The following DNAH10 variants were observed in gnomAD, a reference collection of about 807,000 sequenced individuals.
DNAH10 encodes axonemal beta dynein heavy chain 10.
Under a neutral mutation model 506.6 loss-of-function variants are expected in DNAH10, and 348 were observed. That is an observed-to-expected ratio of 0.69 (90% CI 0.63 to 0.75). DNAH10 has a LOEUF of 0.75. Among genes scored for constraint, DNAH10 ranks in the 30% least tolerant of loss-of-function variants. DNAH10 has a pLI of 0.00. For missense variants in DNAH10, 5,179 were observed against 5,787.1 expected, an observed-to-expected ratio of 0.89 and a Z score of 3.41; for synonymous variants, 2,059 against 2,198.6, an observed-to-expected ratio of 0.94 and a Z score of 1.78.
intron 44 of DNAH10, among the ~76,000 whole-genome samples, chr12:123,870,824 G>C (rs1952002543): frequency 6.6e-6 from 1 of 152,208 alleles, no homozygotes; most frequent in African/African-American, 2.4e-5. Flanking sequence ...GTGGGGACTA[G>C]ACGGCAACGA....
chr12:123,873,932 T>G (rs1293507607), intron 46 of DNAH10, among the ~76,000 whole-genome samples: 3 of 152,146 alleles, frequency 2.0e-5, no homozygotes, highest in African/African-American at 4.8e-5. Context: ...CCTTAGTTTC[T>G]TAGAGGAGGG....
At chr12:123,793,550 G>A (rs1958165292) in intron 11 of DNAH10, among the ~76,000 whole-genome samples, 1 of 152,084 alleles carries the variant, frequency 6.6e-6, no homozygotes, top group South Asian at 2.1e-4. Context: ...GTGTTAGCCA[G>A]GATGGTCTCG....
intron 15 of DNAH10, among the ~76,000 whole-genome samples, chr12:123,800,718 A>G (rs1174442099): frequency 6.6e-6 from 1 of 151,976 alleles, no homozygotes; most frequent in Admixed American, 6.6e-5. Context: ...ATTGAAGCTA[A>G]GAAAAGTTTA....
chr12:123,849,646 C>T (rs1055279462), intron 34 of DNAH10, among the ~76,000 whole-genome samples: 4 of 152,192 alleles, frequency 2.6e-5, no homozygotes, highest in African/African-American at 4.8e-5. Flanking sequence ...ACAGTCATAC[C>T]ATGCCTTGTG....
In DNAH10 at chr12:123,853,891, C is replaced by CACGT. The variant is rs1951278587; in HGVS notation, c.6438+543_6438+546dup. On this transcript the variant is annotated intron_variant, in intron 36 of 78. Transcript: ENST00000673944. This position sits in a 1 kb window ranked among gnomAD's most constrained non-coding sequence, Gnocchi z 4.7. ...ACACACGGATACATGCACGCGCACA[C>CACGT]ACGTACGCACGCACATGTACACATA... is the stretch of plus-strand genomic sequence containing the variant. Among the ~76,000 whole-genome samples the CACGT allele has an allele frequency of 6.7e-6, 1 of 148,948 alleles. No homozygotes were observed. Among genetic ancestry groups the CACGT allele is most frequent in the Non-Finnish European group, 1.5e-5 (1 of 67,170 alleles).
rs1279685687 is a variant in DNAH10, at chr12:123,916,719, T to G, written c.10985T>G (p.Met3662Arg). ...RYSPSVFGKA[M>R]VINYTVTLKG... ...TCCCCATCCGTGTTTGGGAAAGCTA[T>G]GGTGATCAATTACACTGGTAAGAAT... The change falls in exon 63 of 79, where the codon ATG (methionine) becomes AGG (arginine). Residue 3662 changes from methionine (M) to arginine (R), a missense_variant. Coordinates refer to ENST00000673944, the MANE Select transcript of DNAH10 (RefSeq NM_001372106.1). The surrounding 1 kb of genome is among the most constrained non-coding windows in gnomAD (Gnocchi z 4.6). The G allele has an allele frequency of 1.9e-6, 3 of 1,611,646 alleles. No individual in the cohort carries two copies. Among genetic ancestry groups the G allele is most frequent in the Non-Finnish European group, 2.5e-6 (3 of 1,178,554 alleles).
chr12:123,928,500 C>T lies in DNAH10; in HGVS notation c.12219C>T (p.Ile4073=). The T allele has an allele frequency of 6.2e-7, 1 of 1,611,264 alleles. No individual in the cohort carries two copies. The highest frequency in any genetic ancestry group is 8.5e-7 in the Non-Finnish European group (1 of 1,178,820). The stretch of plus-strand genomic sequence containing the variant: ...ATCTGGAGAAGTCCCTGGAGAGGAT[C>T]ACCAAGCCCCACCCAGACTTCCGCC... ...LKDLEKSLER[I]TKPHPDFRLW... Residue 4073 remains isoleucine, a synonymous_variant, in exon 70 of 79, where the codon ATC becomes ATT. Transcript: ENST00000673944. The surrounding 1 kb of genome is among the most constrained non-coding windows in gnomAD (Gnocchi z 4.9).
At chr12:123,893,132 G>A in intron 52 of DNAH10, 101 bp from the exon 53 acceptor site, 1 of 1,269,100 alleles carries the variant, frequency 7.9e-7, no homozygotes, top group Non-Finnish European at 1.1e-6. Context: ...TCTGGACTCA[G>A]CACCTGCTGA....
intron 43 of DNAH10, 73 bp from the exon 44 acceptor site, chr12:123,870,293 C>A: frequency 6.5e-7 from 1 of 1,546,640 alleles, no homozygotes. Flanking sequence ...TAGTTCATTT[C>A]AAGCATGTGC....
chr12:123,792,136 A>C (rs1389265702), intron 11 of DNAH10, among the ~76,000 whole-genome samples: 1 of 152,228 alleles, frequency 6.6e-6, no homozygotes, highest in African/African-American at 2.4e-5. Flanking sequence ...AGTTAAATTA[A>C]TGACTAGTGT....
chr12:123,808,752 C>T, intron 18 of DNAH10, 45 bp from the exon 19 acceptor site: 3 of 1,602,788 alleles, frequency 1.9e-6, no homozygotes, highest in Non-Finnish European at 2.6e-6. Context: ...GTGTATTTCA[C>T]TCTAGTGAGA....
At chr12:123,824,546 G>A (rs576479468) in intron 24 of DNAH10, among the ~76,000 whole-genome samples, 1 of 152,250 alleles carries the variant, frequency 6.6e-6, no homozygotes, top group East Asian at 1.9e-4. Context: ...TGTGAATACA[G>A]ACCAGGAGGC....
At position 123,935,331 on chromosome 12, in the gene DNAH10, G is replaced by A; in HGVS notation, c.13624-4G>A. 1.3e-6 allele frequency: 2 copies of A among 1,599,158 alleles called. No individual in the cohort carries two copies. The highest frequency in any genetic ancestry group is 4.5e-5 in the East Asian group (2 of 44,422). Reference sequence around the variant, plus strand: ...GGGGCATCTCACCTGCCTTTCCCTTGCAGAATACTTTCCGGACCCCCGTCT... The same window carrying A: ...GGGGCATCTCACCTGCCTTTCCCTTACAGAATACTTTCCGGACCCCCGTCT... On this transcript the variant is annotated splice_region_variant and splice_polypyrimidine_tract_variant and intron_variant, in intron 78 of 78. Coordinates refer to ENST00000673944, the MANE Select transcript of DNAH10 (RefSeq NM_001372106.1).
chr12:123,916,347 C>A lies in DNAH10; in HGVS notation c.10723-110C>A. 7.1e-7 allele frequency: 1 copy of A among 1,414,666 alleles called. No homozygotes were observed. The highest frequency in any genetic ancestry group is 9.6e-7 in the Non-Finnish European group (1 of 1,045,700). 87.6% of individuals were successfully genotyped at this position (1,414,666 alleles called of 1,614,324 possible). ...CTCTCTTCTTTTCACCTCTGGCCCC[C>A]TCCAAGTTCCTGGCCCATCCACTTC... On this transcript the variant is annotated intron_variant, in intron 62 of 78. Transcript: ENST00000673944. This position sits in a 1 kb window ranked among gnomAD's most constrained non-coding sequence, Gnocchi z 4.6.
At chr12:123,766,109 T>C (rs1319523716) in intron 1 of DNAH10, among the ~76,000 whole-genome samples, 1 of 97,660 alleles carries the variant, frequency 1.0e-5, no homozygotes, top group Admixed American at 9.2e-5. Context: ...TATACATCTG[T>C]CTGTCTATCT....
At chr12:123,788,416 G>T (rs1205013907) in intron 10 of DNAH10, among the ~76,000 whole-genome samples, 1 of 152,188 alleles carries the variant, frequency 6.6e-6, no homozygotes, top group African/African-American at 2.4e-5. Flanking sequence ...CCTAGTGGCT[G>T]ATTGAATTAG....
intron 30 of DNAH10, among the ~76,000 whole-genome samples, chr12:123,843,903 C>T (rs1459218813): frequency 6.6e-6 from 1 of 152,218 alleles, no homozygotes; most frequent in Non-Finnish European, 1.5e-5. Context: ...TTTATTTTGC[C>T]ATTAACTGTA....
intron 16 of DNAH10, 81 bp from the exon 17 acceptor site, chr12:123,803,580 T>G: frequency 1.5e-6 from 2 of 1,340,586 alleles, no homozygotes; most frequent in Non-Finnish European, 2.0e-6. Flanking sequence ...GATGCCAGTA[T>G]TAACATCACA....
chr12:123,815,416 C>A (rs1164597888), intron 21 of DNAH10, among the ~76,000 whole-genome samples: 1 of 151,366 alleles, frequency 6.6e-6, no homozygotes, highest in Non-Finnish European at 1.5e-5. Context: ...ATCATTTATC[C>A]ACAGATTATT....
Sources: gnomAD v4.1 joint callset for allele counts (sites outside exome capture counted in the v4.1 genomes callset) on GRCh38, gnomAD v4.1.1 for gene constraint, Gnocchi (gnomAD v3.1) non-coding constraint, MANE v1.5 for transcripts, NCBI Gene and HGNC (gene_info 2026-07-23, HGNC 2026-07-21) for gene names.